Variants in TSEN2 observed in about 807,000 individuals in gnomAD.
The protein encoded by TSEN2 is tRNA-splicing endonuclease subunit Sen2.
In TSEN2, 54 loss-of-function variants were observed where a neutral mutation model predicts 59.2. The observed-to-expected ratio is 0.91, with a 90% confidence interval of 0.73 to 1.14. The LOEUF (loss-of-function observed/expected upper bound fraction) is 1.14. TSEN2 is among the 50% of genes most tolerant of loss of function. The pLI, the probability that TSEN2 is intolerant of heterozygous loss-of-function variation, is 0.00. For synonymous variants in TSEN2, 195 were observed against 198.2 expected, an observed-to-expected ratio of 0.98 and a Z score of 0.14; for missense variants, 636 against 576.2, an observed-to-expected ratio of 1.10 and a Z score of -1.06.
At chr3:12,497,024 T>A (rs1412371451) in intron 4 of TSEN2, among the ~76,000 whole-genome samples, 2 of 152,206 alleles carry the variant, frequency 1.3e-5, no homozygotes, top group African/African-American at 4.8e-5. Context: ...GGCTGATTCC[T>A]GCATGTGCTC....
upstream of TSEN2, among the ~76,000 whole-genome samples, chr3:12,484,081 CCT>C (rs1192582661): frequency 3.3e-5 from 5 of 152,248 alleles, no homozygotes; most frequent in African/African-American, 1.2e-4. Flanking sequence ...CTGCTGTGAT[CCT>C]CTTTCTACAT....
chr3:12,481,993 C>G (rs774299689), upstream of TSEN2, among the ~76,000 whole-genome samples: 1 of 151,420 alleles, frequency 6.6e-6, no homozygotes, highest in Admixed American at 6.6e-5. Context: ...ATTAGAGATA[C>G]CTACTGAAAT....
Position 12,503,762 on chromosome 3 carries a change from G to A in TSEN2, c.809G>A (p.Arg270Lys), listed in dbSNP as rs374053551. ...VEEAECAMSE[R>K]EAAPNEELVQ... ...GAAGCGGAGTGTGCCATGAGCGAGA[G>A]GGAGGCTGCCCCAAATGAGGAAGTA... Residue 270 changes from arginine (R) to lysine (K), a missense_variant, in exon 5 of 12, where the codon AGG (arginine) becomes AAG (lysine). Physicochemically the swap from Arg to Lys is conservative, Grantham distance 26. Transcript: ENST00000284995. The A allele has an allele frequency of 6.9e-5, 111 of 1,613,940 alleles. 1 individual carries two copies. The South Asian group carries it at 1.2e-3, about 17-fold the overall frequency.
chr3:12,535,980 A>G (rs1243842541), downstream of TSEN2, among the ~76,000 whole-genome samples: 2 of 152,236 alleles, frequency 1.3e-5, no homozygotes, highest in African/African-American at 2.4e-5. Flanking sequence ...GTTGCTTTGC[A>G]GACTGAATGA....
intron 6 of TSEN2, among the ~76,000 whole-genome samples, chr3:12,515,456 A>G (rs938092436): frequency 6.6e-6 from 1 of 152,202 alleles, no homozygotes; most frequent in Middle Eastern, 3.2e-3. Flanking sequence ...TTTGGTTATC[A>G]ATCTAATTTT....
intron 10 of TSEN2, 94 bp from the exon 11 acceptor site, chr3:12,531,476 G>A (rs1372847941): frequency 1.3e-6 from 1 of 768,300 alleles, no homozygotes. Flanking sequence ...TGCACAGTGA[G>A]AGGGACTGGA....
At chr3:12,528,523 C>T (rs1407840642) in intron 8 of TSEN2, among the ~76,000 whole-genome samples, 1 of 152,116 alleles carries the variant, frequency 6.6e-6, no homozygotes, top group African/African-American at 2.4e-5. Context: ...AATTTAAGAC[C>T]AGCCTGGGCA....
At chr3:12,482,659 ACCTGGCTCTAGTCTCAG>A (rs747023758), upstream of TSEN2, among the ~76,000 whole-genome samples, 12 of 151,960 alleles carry the variant, frequency 7.9e-5, no homozygotes, top group Non-Finnish European at 1.3e-4. Flanking sequence ...GATTTAAGAG[ACCTGGCTCTAGTCTCAG>A]CCCCACCTCA....
chr3:12,539,483 C>T, exon 11 of TSEN2: 1 of 185,168 alleles, frequency 5.4e-6, no homozygotes, highest in Non-Finnish European at 1.1e-5. Flanking sequence ...GTACTCATTA[C>T]TTCATAACTT....
At chr3:12,490,989 GT>G (rs11310322) in intron 2 of TSEN2, among the ~76,000 whole-genome samples, 80,766 of 151,714 alleles carry the variant, frequency 0.53, 22,771 homozygotes, top group African/African-American at 0.71. Context: ...GTTGCTGGGT[GT>G]TTTTTTTGTT....
chr3:12,525,428 C>G (rs1415009249), intron 8 of TSEN2, among the ~76,000 whole-genome samples: 1 of 152,150 alleles, frequency 6.6e-6, no homozygotes, highest in Middle Eastern at 3.2e-3. Context: ...TAATAGTTGT[C>G]TGATTTAATT....
intron 8 of TSEN2, among the ~76,000 whole-genome samples, chr3:12,519,710 C>T (rs765992656): frequency 2.6e-5 from 4 of 151,996 alleles, no homozygotes; most frequent in African/African-American, 4.8e-5. Context: ...CGCGCCATTG[C>T]ACCCCACCTG....
At chr3:12,481,467 T>G (rs1282478204), upstream of TSEN2, among the ~76,000 whole-genome samples, 1 of 152,220 alleles carries the variant, frequency 6.6e-6, no homozygotes, top group East Asian at 1.9e-4. Context: ...ATAAGTATGC[T>G]TTTTTGAGCT....
intron 3 of TSEN2, among the ~76,000 whole-genome samples, chr3:12,493,116 G>A (rs1054546175): frequency 2.0e-5 from 3 of 151,944 alleles, no homozygotes; most frequent in Non-Finnish European, 4.4e-5. Flanking sequence ...ACTTCATTCC[G>A]TTTTATAGTG....
At chr3:12,484,937 T>G (rs1478703956) in intron 1 of TSEN2, 57 bp downstream of exon 1, 1 of 152,162 alleles carries the variant, frequency 6.6e-6, no homozygotes, top group Non-Finnish European at 1.5e-5. Flanking sequence ...GTGCGCAGTT[T>G]ATTTTATTTG....
Position 12,495,755 on chromosome 3 carries a change from C to T in TSEN2, c.272-763C>T, listed in dbSNP as rs565124560. On this transcript the variant is annotated intron_variant, in intron 3 of 11. Coordinates refer to ENST00000284995, the MANE Select transcript of TSEN2 (RefSeq NM_025265.4). The stretch of plus-strand genomic sequence containing the variant: ...CTTCCAAGCATTTAATGCATGCAGA[C>T]GAGGCTGAGTTTGGGAAAAGAGAAG... Among the ~76,000 whole-genome samples, 12 of 152,172 alleles carry T rather than the reference C, an allele frequency of 7.9e-5. No homozygotes were observed. The East Asian group carries it at 1.2e-3, about 15-fold the overall frequency.
chr3:12,490,557 C>G (rs931273512), intron 2 of TSEN2, among the ~76,000 whole-genome samples: 1 of 152,278 alleles, frequency 6.6e-6, no homozygotes, highest in African/African-American at 2.4e-5. Context: ...AAAAATTTTC[C>G]ATAATCTGTT....
At chr3:12,516,997 A>G (rs887335793) in intron 7 of TSEN2, among the ~76,000 whole-genome samples, 1 of 152,200 alleles carries the variant, frequency 6.6e-6, no homozygotes, top group Non-Finnish European at 1.5e-5. Flanking sequence ...GGTAAAAGCT[A>G]TATTTTAGGT....
At position 12,530,075 on chromosome 3, in the gene TSEN2, G is replaced by T. The variant is rs918545393; in HGVS notation, c.1248+202G>T. 8.6e-5 allele frequency: 122 copies of T among 1,426,206 alleles called. No homozygotes were observed. In the Middle Eastern group the frequency reaches 2.6e-3, roughly 30 times the overall value. 88.3% of individuals were successfully genotyped at this position (1,426,206 alleles called of 1,614,324 possible). ...TCCTCCCCTCATGTTACATTTTATT[G>T]TCCCCTCCCTCCCAACTGCTGCTGA... On this transcript the variant is annotated intron_variant, in intron 10 of 11. Transcript: ENST00000284995.
Sources: allele counts gnomAD v4.1 joint callset (sites outside exome capture counted in the v4.1 genomes callset), GRCh38; gene constraint gnomAD v4.1.1; transcripts MANE v1.5; gene names NCBI Gene and HGNC (gene_info 2026-07-23, HGNC 2026-07-21).